The following ANKRD28 variants were observed in gnomAD, a reference collection of about 807,000 sequenced individuals.
ANKRD28 encodes serine/threonine-protein phosphatase 6 regulatory ankyrin repeat subunit A.
Under a neutral mutation model 126.5 loss-of-function variants are expected in ANKRD28, and 44 were observed. That is an observed-to-expected ratio of 0.35 (90% CI 0.27 to 0.45). The LOEUF (loss-of-function observed/expected upper bound fraction) is 0.45. ANKRD28 is among the 20% of genes least tolerant of loss of function. The pLI, the probability that ANKRD28 is intolerant of heterozygous loss-of-function variation, is 1.00. For synonymous variants in ANKRD28, 442 were observed against 468.5 expected (o/e 0.94, Z 0.73); for missense variants, 1,110 against 1,316.6 (o/e 0.84, Z 2.43).
chr3:15,841,652 C>T (rs373604590), intron 1 of ANKRD28, among the ~76,000 whole-genome samples: 2 of 151,904 alleles, frequency 1.3e-5, no homozygotes, highest in Non-Finnish European at 2.9e-5. Flanking sequence ...CAAAAGAAAA[C>T]ATGTAAATGG....
chr3:15,795,698 G>T (rs542603866), intron 1 of ANKRD28, among the ~76,000 whole-genome samples: 2 of 152,100 alleles, frequency 1.3e-5, no homozygotes, highest in South Asian at 4.2e-4. Flanking sequence ...AGGCTTTTTT[G>T]AAAAGGTCTG....
chr3:15,798,225 T>C, upstream of ANKRD28: 2 of 942,426 alleles, frequency 2.1e-6, no homozygotes, highest in Non-Finnish European at 2.5e-6. Flanking sequence ...CTTAACTGCT[T>C]TCGTGTGTTA....
chr3:15,678,122 T>C (rs1022893692), intron 24 of ANKRD28, 87 bp downstream of exon 24: 2 of 1,294,792 alleles, frequency 1.5e-6, no homozygotes, highest in Admixed American at 5.3e-5. Context: ...GTAAGATAAC[T>C]AGTTGAAGTC....
chr3:15,677,154 A>G, intron 25 of ANKRD28, 98 bp from the exon 26 acceptor site: 1 of 919,232 alleles, frequency 1.1e-6, no homozygotes, highest in East Asian at 2.4e-5. Flanking sequence ...ATTATGTACA[A>G]CACCATACAT....
At chr3:15,791,992 C>A (rs888904274) in intron 2 of ANKRD28, among the ~76,000 whole-genome samples, 1 of 152,048 alleles carries the variant, frequency 6.6e-6, no homozygotes, top group Non-Finnish European at 1.5e-5. Flanking sequence ...AGGTTCTCAA[C>A]ATCACTAATC....
chr3:15,842,743 A>C lies in ANKRD28; in HGVS notation c.27+16634T>G, dbSNP rs926815417. On this transcript the variant is annotated intron_variant, in intron 1 of 27. Coordinates refer to the ANKRD28 transcript ENST00000399451. ...GTACCCACAAAAGCTAAAAACAAAAATTTTTTAAAACATAAATAAAAGTTT... is the reference window on the plus strand; with the variant it reads ...GTACCCACAAAAGCTAAAAACAAAACTTTTTTAAAACATAAATAAAAGTTT... 7.9e-5 allele frequency among the ~76,000 whole-genome samples: 12 copies of C among 152,246 alleles called. No individual in the cohort carries two copies. The East Asian group carries it at 1.9e-3, about 24-fold the overall frequency.
intron 27 of ANKRD28, among the ~76,000 whole-genome samples, chr3:15,673,480 C>A (rs35606675): frequency 6.6e-6 from 1 of 152,022 alleles, no homozygotes; most frequent in Non-Finnish European, 1.5e-5. Flanking sequence ...TCTTGTGGAG[C>A]TTACATTCAC....
At chr3:15,697,510 G>T (rs2069810693) in intron 14 of ANKRD28, 5 of 147,160 alleles carry the variant, frequency 3.4e-5, no homozygotes, top group South Asian at 4.3e-4. Context: ...TCATGTGTTT[G>T]TTTTTTTTTT....
intron 2 of ANKRD28, among the ~76,000 whole-genome samples, chr3:15,769,868 G>A (rs1217066170): frequency 6.6e-6 from 1 of 152,188 alleles, no homozygotes; most frequent in East Asian, 1.9e-4. Context: ...AAAAACCTTA[G>A]GGGTTTTGCC....
chr3:15,705,382 A>G (rs912278346), intron 14 of ANKRD28, among the ~76,000 whole-genome samples: 3 of 152,168 alleles, frequency 2.0e-5, no homozygotes, highest in African/African-American at 7.2e-5. Context: ...GAAGGATCAA[A>G]GTGTAATCTT....
In ANKRD28 at chr3:15,830,459, T is replaced by C. The variant is rs961069277; in HGVS notation, c.27+28918A>G. On this transcript the variant is annotated intron_variant, in intron 1 of 27. Coordinates refer to the ANKRD28 transcript ENST00000399451. This position sits in a 1 kb window ranked among gnomAD's most constrained non-coding sequence, Gnocchi z 4.5. The stretch of plus-strand genomic sequence containing the variant: ...GCGCAGCATTAGATTCTCATAGGAC[T>C]GCCAATCCTATTTTGAATTGCACAT... Among the ~76,000 whole-genome samples, 2 of 152,186 alleles carry C rather than the reference T, an allele frequency of 1.3e-5. No individual in the cohort carries two copies. Among genetic ancestry groups the C allele is most frequent in the African/African-American group, 4.8e-5 (2 of 41,434 alleles).
rs377174098 is a variant in ANKRD28 at position 15,795,333 on chromosome 3, A to G, written c.118-27T>C. ...TAAAATAGAAGAGAGTAATAAAAACATTAGAATCATCCATGTGGGGTGACT... is the reference window on the plus strand; with the variant it reads ...TAAAATAGAAGAGAGTAATAAAAACGTTAGAATCATCCATGTGGGGTGACT... On this transcript the variant is annotated intron_variant, in intron 1 of 27. Coordinates refer to ENST00000683139, the MANE Select transcript of ANKRD28 (RefSeq NM_001349278.2). The G allele has an allele frequency of 3.0e-5, 44 of 1,481,370 alleles. 1 individual carries two copies. In the African/African-American group the frequency reaches 5.9e-4, roughly 20 times the overall value. The allele number at this position is 1,481,370 out of a possible 1,614,324, so 91.8% of individuals were successfully genotyped here. A position where few individuals can be genotyped will look rare whatever the true frequency, so the allele number is the denominator to read the frequency against.
chr3:15,699,192 AG>A (rs1387833772), intron 14 of ANKRD28, among the ~76,000 whole-genome samples: 2 of 152,240 alleles, frequency 1.3e-5, no homozygotes, highest in Non-Finnish European at 2.9e-5. Context: ...AGCCATATGT[AG>A]AAAGCTGAAA....
chr3:15,679,686 C>A, intron 21 of ANKRD28, 123 bp from the exon 22 acceptor site: 1 of 732,454 alleles, frequency 1.4e-6, no homozygotes, highest in Non-Finnish European at 2.2e-6. Flanking sequence ...TCCCAGATCC[C>A]CTCTCTGGAA....
intron 1 of ANKRD28, among the ~76,000 whole-genome samples, chr3:15,841,937 A>G (rs2125971505): frequency 6.6e-6 from 1 of 151,994 alleles, no homozygotes; most frequent in East Asian, 1.9e-4. Context: ...GCTTGGTATA[A>G]CCCAAAGAAA....
At chr3:15,707,187 C>A (rs2071560682) in intron 14 of ANKRD28, among the ~76,000 whole-genome samples, 1 of 152,072 alleles carries the variant, frequency 6.6e-6, no homozygotes. Context: ...TTTTCACTGA[C>A]CCACACCATA....
At chr3:15,760,098 C>T (rs1210132511) in intron 3 of ANKRD28, among the ~76,000 whole-genome samples, 1 of 152,068 alleles carries the variant, frequency 6.6e-6, no homozygotes, top group Non-Finnish European at 1.5e-5. Context: ...CTGAGCCAGC[C>T]CAACTACCTG....
At chr3:15,828,664 T>C (rs565990178) in intron 1 of ANKRD28, among the ~76,000 whole-genome samples, 1 of 25,334 alleles carries the variant, frequency 3.9e-5, no homozygotes, top group African/African-American at 1.6e-4. Flanking sequence ...TCTGGGGGGG[T>C]GGGGGGGATT....
chr3:15,799,949 G>A (rs773124485), upstream of ANKRD28, among the ~76,000 whole-genome samples: 76 of 152,170 alleles, frequency 5.0e-4, no homozygotes, highest in Non-Finnish European at 1.0e-3. Flanking sequence ...GGGTGTGTTG[G>A]TATACATATA....
Sources: gnomAD v4.1 joint callset for allele counts (sites outside exome capture counted in the v4.1 genomes callset) on GRCh38, gnomAD v4.1.1 for gene constraint, Gnocchi (gnomAD v3.1) non-coding constraint, MANE v1.5 for transcripts, NCBI Gene and HGNC (gene_info 2026-07-23, HGNC 2026-07-21) for gene names.